ANO2: variants seen among roughly 807,000 people sequenced by gnomAD.
The protein encoded by ANO2 is anoctamin-2.
A neutral mutation model predicts 124.2 loss-of-function variants in ANO2; 101 were observed. The observed-to-expected ratio is 0.81, with a 90% CI of 0.69 to 0.96. ANO2 has a LOEUF of 0.96. ANO2 is among the 40% of genes least tolerant of loss of function. ANO2 has a pLI of 0.00. For missense variants in ANO2, 1,293 were observed against 1,274.5 expected (o/e 1.01, Z -0.22); for synonymous variants, 486 against 482.5 (o/e 1.01, Z -0.09).
intron 11 of ANO2, 103 bp downstream of exon 11, chr12:5,750,733 G>A (rs911080351): frequency 1.7e-6 from 2 of 1,203,786 alleles, no homozygotes; most frequent in Non-Finnish European, 2.3e-6. Flanking sequence ...ATGATAGAGG[G>A]TGAGGGCTTT....
intron 14 of ANO2, among the ~76,000 whole-genome samples, chr12:5,649,244 T>C (rs988725674): frequency 6.6e-6 from 1 of 152,114 alleles, no homozygotes; most frequent in African/African-American, 2.4e-5. Flanking sequence ...ATGGGTCGAG[T>C]TGGCTTACTA....
chr12:5,732,229 A>G (rs1648652449), intron 14 of ANO2, among the ~76,000 whole-genome samples: 1 of 152,124 alleles, frequency 6.6e-6, no homozygotes, highest in Non-Finnish European at 1.5e-5. Context: ...ATTATTATTC[A>G]ATATTTAGAT....
At chr12:5,608,541 T>C (rs1218226107) in intron 19 of ANO2, among the ~76,000 whole-genome samples, 1 of 152,036 alleles carries the variant, frequency 6.6e-6, no homozygotes, top group Non-Finnish European at 1.5e-5. Flanking sequence ...TCATAGGGTG[T>C]TAGAGCTTGA....
intron 3 of ANO2, among the ~76,000 whole-genome samples, chr12:5,864,984 C>T (rs1264919839): frequency 2.0e-5 from 3 of 152,146 alleles, no homozygotes; most frequent in Non-Finnish European, 4.4e-5. Context: ...TCTTCATTAT[C>T]TCTAATGTCT....
At chr12:5,897,190 C>T (rs368874037) in intron 3 of ANO2, among the ~76,000 whole-genome samples, 14 of 151,916 alleles carry the variant, frequency 9.2e-5, no homozygotes, top group African/African-American at 3.1e-4. Context: ...AAAGACCCAG[C>T]CAAGAAGACT....
At chr12:5,566,859 C>T (rs1337540560) in intron 23 of ANO2, among the ~76,000 whole-genome samples, 1 of 152,158 alleles carries the variant, frequency 6.6e-6, no homozygotes, top group Non-Finnish European at 1.5e-5. Flanking sequence ...TATCACAGGG[C>T]ATCTTACCAG....
At chr12:5,728,122 G>T (rs971054152) in intron 14 of ANO2, among the ~76,000 whole-genome samples, 8 of 152,064 alleles carry the variant, frequency 5.3e-5, no homozygotes, top group African/African-American at 1.7e-4. Context: ...CTTCTATTCA[G>T]CATTGTACAG....
chr12:5,730,220 T>C (rs922333126), intron 14 of ANO2, among the ~76,000 whole-genome samples: 1 of 149,184 alleles, frequency 6.7e-6, no homozygotes, highest in South Asian at 2.1e-4. Context: ...GCACTTTAAA[T>C]GGGTGAATTT....
chr12:5,920,194 G>A (rs920578019), intron 3 of ANO2, among the ~76,000 whole-genome samples: 2 of 151,934 alleles, frequency 1.3e-5, no homozygotes, highest in Non-Finnish European at 2.9e-5. Flanking sequence ...AGAGGTGAGA[G>A]TATCTATAGC....
At chr12:5,566,817 C>T (rs1187551987) in intron 23 of ANO2, among the ~76,000 whole-genome samples, 1 of 152,152 alleles carries the variant, frequency 6.6e-6, no homozygotes, top group African/African-American at 2.4e-5. Flanking sequence ...GGTAGGAATG[C>T]GAGTCTGGCT....
rs1565654963 is a variant in ANO2, at chr12:5,769,318, G to C, written c.1056-18348C>G. ...AACCAGGACTGGCTGGCCTGGCGTG[G>C]CCTGTCACTGGCTCTGCAAGCAGCA... On this transcript the variant is annotated intron_variant, in intron 10 of 24. Transcript: ENST00000682330. The surrounding 1 kb of genome is among the most constrained non-coding windows in gnomAD (Gnocchi z 4.0). Among the ~76,000 whole-genome samples the C allele has an allele frequency of 6.6e-6, 1 of 152,086 alleles. No homozygotes were observed. Among genetic ancestry groups the C allele is most frequent in the Non-Finnish European group, 1.5e-5 (1 of 68,026 alleles).
At chr12:5,651,576 A>G (rs974607226) in intron 14 of ANO2, among the ~76,000 whole-genome samples, 3 of 152,162 alleles carry the variant, frequency 2.0e-5, no homozygotes, top group African/African-American at 7.2e-5. Context: ...ATAGGACACC[A>G]CAGCTGGCTT....
chr12:5,863,784 T>G (rs906761471), intron 3 of ANO2, among the ~76,000 whole-genome samples: 2 of 152,188 alleles, frequency 1.3e-5, no homozygotes, highest in Non-Finnish European at 2.9e-5. Flanking sequence ...CAACACTTCT[T>G]GTAACTTTTT....
chr12:5,588,669 C>T (rs905000981), intron 20 of ANO2, among the ~76,000 whole-genome samples: 2 of 152,166 alleles, frequency 1.3e-5, no homozygotes, highest in South Asian at 4.2e-4. Context: ...GCTGAAACGT[C>T]CCTTCCTCAA....
At chr12:5,622,720 T>C (rs1945173225) in intron 16 of ANO2, among the ~76,000 whole-genome samples, 1 of 151,856 alleles carries the variant, frequency 6.6e-6, no homozygotes, top group Admixed American at 6.6e-5. Context: ...TCCCAGCACT[T>C]TGGGAGGCTG....
At chr12:5,923,174 G>C (rs58014988) in intron 1 of ANO2, among the ~76,000 whole-genome samples, 1 of 8,884 alleles carries the variant, frequency 1.1e-4, no homozygotes, top group Non-Finnish European at 3.7e-4. Context: ...ACACACACAC[G>C]CACACACACA....
intron 10 of ANO2, among the ~76,000 whole-genome samples, chr12:5,761,082 C>T (rs888860871): frequency 6.7e-6 from 1 of 148,550 alleles, no homozygotes; most frequent in Admixed American, 6.7e-5. Context: ...AAAAAAATTC[C>T]GTAGACTGTC....
chr12:5,871,750 C>G (rs1937713459), intron 3 of ANO2, among the ~76,000 whole-genome samples: 2 of 152,204 alleles, frequency 1.3e-5, no homozygotes, highest in Non-Finnish European at 2.9e-5. Context: ...GGGACCACTA[C>G]TCTAAACGGT....
intron 3 of ANO2, among the ~76,000 whole-genome samples, chr12:5,864,504 G>A (rs1293367395): frequency 6.6e-6 from 1 of 152,226 alleles, no homozygotes; most frequent in Non-Finnish European, 1.5e-5. Context: ...GTTCTGGACA[G>A]TCGCCATCCT....
Sources: gnomAD v4.1 joint callset for allele counts (sites outside exome capture counted in the v4.1 genomes callset) on GRCh38, gnomAD v4.1.1 for gene constraint, Gnocchi (gnomAD v3.1) non-coding constraint, MANE v1.5 for transcripts, NCBI Gene and HGNC (gene_info 2026-07-23, HGNC 2026-07-21) for gene names.